The following SLC10A7 variants were observed in gnomAD, a reference collection of about 807,000 sequenced individuals.
The protein encoded by SLC10A7 is sodium/bile acid cotransporter 7.
SLC10A7 carries 29 observed loss-of-function variants against 43.2 expected under a neutral mutation model. The ratio of observed to expected loss-of-function variants is 0.67; its 90% CI spans 0.50 to 0.92. SLC10A7 has a LOEUF of 0.92. Ranked by LOEUF, SLC10A7 falls within the 40% of genes least tolerant of loss-of-function variation. The pLI is 0.00. For missense variants in SLC10A7, 295 were observed against 403.2 expected (o/e 0.73, Z 2.30); for synonymous variants, 152 against 144.8 (o/e 1.05, Z -0.35).
chr4:146,412,168 C>T (rs566749144), intron 5 of SLC10A7, among the ~76,000 whole-genome samples: 3 of 151,594 alleles, frequency 2.0e-5, no homozygotes, highest in Non-Finnish European at 4.4e-5. Flanking sequence ...AAAAAAATTA[C>T]GTGATAGAAT....
rs572647103 is a variant in SLC10A7 at position 146,436,043 on chromosome 4, C to T, written c.435+6740G>A. Among the ~76,000 whole-genome samples the T allele has an allele frequency of 1.0e-3, 154 of 151,668 alleles. 2 individuals carry two copies. Among genetic ancestry groups the T allele is most frequent in the African/African-American group, 3.2e-3 (134 of 41,244 alleles). On this transcript the variant is annotated intron_variant, in intron 5 of 11. Coordinates refer to ENST00000335472, the MANE Select transcript of SLC10A7 (RefSeq NM_001029998.6). ...TCTTTAAATGGTAATGAAATCATTG[C>T]TTTAAAAAAAATCCATCATTATTAA...
intron 5 of SLC10A7, among the ~76,000 whole-genome samples, chr4:146,406,083 T>C (rs1440914152): frequency 6.6e-6 from 1 of 152,194 alleles, no homozygotes; most frequent in African/African-American, 2.4e-5. Context: ...TCTCTTAAAG[T>C]AACTTATAAG....
At chr4:146,419,907 C>T (rs2149845822) in intron 5 of SLC10A7, among the ~76,000 whole-genome samples, 1 of 152,162 alleles carries the variant, frequency 6.6e-6, no homozygotes, top group Non-Finnish European at 1.5e-5. Flanking sequence ...TCATTACTGT[C>T]TCTAAGTACT....
chr4:146,297,603 A>G (rs909930028), intron 7 of SLC10A7, among the ~76,000 whole-genome samples: 5 of 152,152 alleles, frequency 3.3e-5, no homozygotes, highest in Admixed American at 1.3e-4. Flanking sequence ...TCTGAATTTT[A>G]AGACTTTTCT....
chr4:146,397,981 C>T (rs905818380), intron 5 of SLC10A7, among the ~76,000 whole-genome samples: 3 of 152,160 alleles, frequency 2.0e-5, no homozygotes, highest in African/African-American at 7.2e-5. Flanking sequence ...AAGCAAAGTT[C>T]GCTCTTCAGG....
intron 5 of SLC10A7, among the ~76,000 whole-genome samples, chr4:146,386,883 C>T (rs896069430): frequency 6.6e-6 from 1 of 152,088 alleles, no homozygotes; most frequent in Non-Finnish European, 1.5e-5. Context: ...GGAAGCATAT[C>T]GAATAGCAAG....
chr4:146,447,938 C>G (rs544902123), intron 4 of SLC10A7, among the ~76,000 whole-genome samples: 10 of 150,818 alleles, frequency 6.6e-5, no homozygotes, highest in Non-Finnish European at 1.5e-4. Context: ...AAAAAAAAAC[C>G]TAATCATTCT....
At chr4:146,477,618 T>A (rs927815380) in intron 4 of SLC10A7, among the ~76,000 whole-genome samples, 1 of 152,198 alleles carries the variant, frequency 6.6e-6, no homozygotes, top group Non-Finnish European at 1.5e-5. Context: ...AATTTTTAAT[T>A]AGCATTTCAT....
Position 146,521,797 on chromosome 4 carries a change from T to C in SLC10A7, c.-80A>G, listed in dbSNP as rs1738715521. The stretch of plus-strand genomic sequence containing the variant: ...CTCCGATCACCTAATCCTTGGAGCG[T>C]CTCCACACTTTCCTTGGTCCCTCCA... On this transcript the variant is annotated 5_prime_UTR_variant, in exon 1 of 12. Transcript: ENST00000335472. The C allele has an allele frequency of 8.6e-7, 1 of 1,157,542 alleles. No individual in the cohort carries two copies. The highest frequency in any genetic ancestry group is 1.3e-6 in the Non-Finnish European group (1 of 775,744). 71.7% of individuals were successfully genotyped at this position (1,157,542 alleles called of 1,614,324 possible). A position where few individuals can be genotyped will look rare whatever the true frequency, so the allele number is the denominator to read the frequency against.
At chr4:146,410,284 A>G (rs955729618) in intron 5 of SLC10A7, among the ~76,000 whole-genome samples, 2 of 152,160 alleles carry the variant, frequency 1.3e-5, no homozygotes, top group East Asian at 3.9e-4. Flanking sequence ...TAAAGACAAT[A>G]TATCTCAAAA....
At chr4:146,382,486 C>A (rs1053712627) in intron 5 of SLC10A7, among the ~76,000 whole-genome samples, 1 of 152,050 alleles carries the variant, frequency 6.6e-6, no homozygotes, top group Non-Finnish European at 1.5e-5. Flanking sequence ...GTAGTGCTGA[C>A]ACATAGTTGG....
At chr4:146,307,731 T>C (rs1416922044) in intron 6 of SLC10A7, among the ~76,000 whole-genome samples, 3 of 152,186 alleles carry the variant, frequency 2.0e-5, no homozygotes, top group South Asian at 2.1e-4. Flanking sequence ...AATTAAGCTA[T>C]AATCTTCATG....
At chr4:146,355,717 T>G (rs977060678) in intron 5 of SLC10A7, among the ~76,000 whole-genome samples, 128 of 151,528 alleles carry the variant, frequency 8.4e-4, no homozygotes, top group African/African-American at 3.1e-3. Context: ...CCATAAAAAA[T>G]GATGAGTTCA....
intron 6 of SLC10A7, among the ~76,000 whole-genome samples, chr4:146,306,335 T>C (rs900930058): frequency 8.5e-5 from 13 of 152,174 alleles, no homozygotes; most frequent in African/African-American, 2.9e-4. Flanking sequence ...AATTACAGGT[T>C]ATGTGATTTT....
At chr4:146,308,948 G>C (rs1173693034) in intron 6 of SLC10A7, among the ~76,000 whole-genome samples, 1 of 152,022 alleles carries the variant, frequency 6.6e-6, no homozygotes, top group Non-Finnish European at 1.5e-5. Context: ...TGTGAGCTAG[G>C]GGCATGTTCT....
rs1415079720 is a variant in SLC10A7 at position 146,517,022 on chromosome 4, C to T, written c.183+16G>A. The T allele has an allele frequency of 6.4e-7, 1 of 1,559,974 alleles. No homozygotes were observed. The highest frequency in any genetic ancestry group is 8.7e-7 in the Non-Finnish European group (1 of 1,147,264). On this transcript the variant is annotated intron_variant, in intron 2 of 11. Coordinates refer to ENST00000335472, the MANE Select transcript of SLC10A7 (RefSeq NM_001029998.6). ...TTTTTCTCCCTGCTTTTCATGTGTC[C>T]CATAGATGACAGTACCTCTGTTTTC...
intron 2 of SLC10A7, 37 bp from the exon 3 acceptor site, chr4:146,510,086 G>T (rs1579377393): frequency 1.3e-6 from 2 of 1,570,580 alleles, no homozygotes; most frequent in Non-Finnish European, 1.7e-6. Context: ...ACAAAGGTAA[G>T]AAAACTATTC....
At chr4:146,289,036 T>C (rs1440432854) in intron 9 of SLC10A7, among the ~76,000 whole-genome samples, 1 of 152,192 alleles carries the variant, frequency 6.6e-6, no homozygotes, top group South Asian at 2.1e-4. Flanking sequence ...GATACTTCTG[T>C]CTAAGCCCAC....
At chr4:146,366,246 T>A (rs1736382535) in intron 5 of SLC10A7, among the ~76,000 whole-genome samples, 1 of 152,160 alleles carries the variant, frequency 6.6e-6, no homozygotes, top group Non-Finnish European at 1.5e-5. Context: ...GGTTTCAAAT[T>A]TTTCTGATTT....
Sources: gnomAD v4.1 joint callset for allele counts (sites outside exome capture counted in the v4.1 genomes callset) on GRCh38, gnomAD v4.1.1 for gene constraint, MANE v1.5 for transcripts, NCBI Gene and HGNC (gene_info 2026-07-23, HGNC 2026-07-21) for gene names.